SIPA1L2: variants seen among roughly 807,000 people sequenced by gnomAD.
The protein encoded by SIPA1L2 is signal induced proliferation associated 1 like 2, also known as signal-induced proliferation-associated 1-like protein 2.
A neutral mutation model predicts 163.9 loss-of-function variants in SIPA1L2; 56 were observed. The ratio of observed to expected loss-of-function variants is 0.34; its 90% confidence interval spans 0.28 to 0.43. The LOEUF (loss-of-function observed/expected upper bound fraction) is 0.43, where lower values mean the gene tolerates loss of function less well. Ranked by LOEUF, SIPA1L2 falls within the 20% of genes least tolerant of loss-of-function variation. The pLI, the probability that SIPA1L2 is intolerant of heterozygous loss-of-function variation, is 1.00. For missense variants in SIPA1L2, 1,974 were observed against 2,193.5 expected (o/e 0.90, Z 2.00); for synonymous variants, 877 against 865.7 (o/e 1.01, Z -0.23).
At chr1:232,408,858 A>G (rs1660789852) in intron 19 of SIPA1L2, among the ~76,000 whole-genome samples, 2 of 152,228 alleles carry the variant, frequency 1.3e-5, no homozygotes, top group South Asian at 4.2e-4. Context: ...CCATAATTCT[A>G]AATATTTAAA....
intron 8 of SIPA1L2, among the ~76,000 whole-genome samples, chr1:232,469,119 G>A (rs1295538092): frequency 6.6e-6 from 1 of 152,158 alleles, no homozygotes. Flanking sequence ...GATCTCAACC[G>A]CACAGCCCCT....
intron 18 of SIPA1L2, among the ~76,000 whole-genome samples, chr1:232,424,164 T>C (rs980475516): frequency 1.3e-5 from 2 of 152,002 alleles, no homozygotes; most frequent in Non-Finnish European, 2.9e-5. Flanking sequence ...CCACATAGGT[T>C]CATCGATTAT....
chr1:232,407,957 G>A (rs1039770811), intron 19 of SIPA1L2, among the ~76,000 whole-genome samples: 2 of 152,122 alleles, frequency 1.3e-5, no homozygotes, highest in Non-Finnish European at 2.9e-5. Flanking sequence ...GGTCGGGTTT[G>A]TTCCCATTAC....
intron 9 of SIPA1L2, among the ~76,000 whole-genome samples, chr1:232,462,639 T>C (rs12410125): frequency 0.064 from 9,721 of 152,308 alleles, 574 homozygotes; most frequent in Admixed American, 0.18. Flanking sequence ...CTTGAAGAAG[T>C]AGTTCTGTAA....
At chr1:232,455,355 T>C (rs1253705047) in intron 10 of SIPA1L2, among the ~76,000 whole-genome samples, 1 of 152,158 alleles carries the variant, frequency 6.6e-6, no homozygotes, top group African/African-American at 2.4e-5. Context: ...AAACGTGGAA[T>C]CAACCTAGAT....
intron 2 of SIPA1L2, among the ~76,000 whole-genome samples, chr1:232,553,577 G>A (rs1462697135): frequency 1.3e-5 from 2 of 152,146 alleles, no homozygotes; most frequent in African/African-American, 2.4e-5. Context: ...TCAGCTACAC[G>A]TGGAAAGTGG....
chr1:232,590,017 C>A (rs528658114), intron 1 of SIPA1L2, among the ~76,000 whole-genome samples: 11 of 152,318 alleles, frequency 7.2e-5, no homozygotes, highest in African/African-American at 2.6e-4. Context: ...AGTCATCGCT[C>A]TATCTCAAGT....
chr1:232,585,082 A>C (rs1031807107), intron 1 of SIPA1L2, among the ~76,000 whole-genome samples: 1 of 152,208 alleles, frequency 6.6e-6, no homozygotes, highest in Admixed American at 6.5e-5. Context: ...ATTTTTATAC[A>C]CCTAAAAGTA....
At position 232,479,715 on chromosome 1, in the gene SIPA1L2, G is replaced by A. The variant is rs757647399; in HGVS notation, c.1997C>T (p.Thr666Met). 2.5e-5 allele frequency: 41 copies of A among 1,613,378 alleles called. 1 individual carries two copies. Among genetic ancestry groups the A allele is most frequent in the South Asian group, 5.5e-5 (5 of 91,056 alleles). The stretch of plus-strand genomic sequence containing the variant: ...TTTGTATGTGGTATAGAGAGAGTGC[G>A]TGCCCGTGGAATCAGCTGAAAACAA... ...QLDNKTDSTG[T>M]HSLYTTYKDY... The change falls in exon 7 of 23, where the codon ACG (threonine) becomes ATG (methionine). Residue 666 changes from threonine to methionine, a missense_variant. Physicochemically the swap from Thr to Met is moderately conservative, Grantham distance 81. Around this residue, in one of 3 missense-constraint regions of SIPA1L2, gnomAD observed 288 missense variants for 418.9 expected, o/e 0.69. Transcript: ENST00000674635.
At chr1:232,623,432 C>T (rs1443446960) in intron 1 of SIPA1L2, among the ~76,000 whole-genome samples, 6 of 151,974 alleles carry the variant, frequency 3.9e-5, no homozygotes, top group East Asian at 1.9e-4. Context: ...GGTGAAACTC[C>T]GTCTCTACTA....
chr1:232,433,073 T>TG (rs1445139908), intron 15 of SIPA1L2, among the ~76,000 whole-genome samples: 3 of 152,182 alleles, frequency 2.0e-5, no homozygotes, highest in African/African-American at 7.2e-5. Context: ...AGCAAACCCC[T>TG]GCTGCACGTG....
At chr1:232,546,327 G>A (rs1039337964) in intron 2 of SIPA1L2, among the ~76,000 whole-genome samples, 3 of 152,188 alleles carry the variant, frequency 2.0e-5, no homozygotes, top group African/African-American at 4.8e-5. Context: ...CCACCATGAC[G>A]CCAAGACTTC....
chr1:232,403,333 G>T, intron 21 of SIPA1L2, 115 bp downstream of exon 21: 1 of 1,340,882 alleles, frequency 7.5e-7, no homozygotes, highest in Non-Finnish European at 1.0e-6. Context: ...TCAGGACTGG[G>T]AAAGGGCATG....
chr1:232,538,916 T>C (rs539007599), intron 2 of SIPA1L2, among the ~76,000 whole-genome samples: 15 of 152,364 alleles, frequency 9.8e-5, no homozygotes, highest in African/African-American at 2.9e-4. Context: ...ATGTTCTTTT[T>C]TCTATTTTTG....
intron 4 of SIPA1L2, among the ~76,000 whole-genome samples, chr1:232,492,919 G>T (rs1250817963): frequency 6.6e-6 from 1 of 152,182 alleles, no homozygotes; most frequent in South Asian, 2.1e-4. Flanking sequence ...TTGTTGCAAT[G>T]TGAGAAGGAA....
At chr1:232,473,375 T>A (rs1261287285) in intron 7 of SIPA1L2, among the ~76,000 whole-genome samples, 1 of 152,260 alleles carries the variant, frequency 6.6e-6, no homozygotes, top group Non-Finnish European at 1.5e-5. Context: ...GAGCTCACTT[T>A]GGCCAAGGCC....
chr1:232,404,248 C>A, intron 19 of SIPA1L2, 70 bp from the exon 20 acceptor site: 2 of 1,430,452 alleles, frequency 1.4e-6, no homozygotes, highest in Non-Finnish European at 2.0e-6. Flanking sequence ...CGGGGGCCCA[C>A]AAAATGCGGC....
chr1:232,562,644 C>A (rs1031575109), intron 2 of SIPA1L2, among the ~76,000 whole-genome samples: 5 of 152,112 alleles, frequency 3.3e-5, no homozygotes, highest in Admixed American at 6.5e-5. Flanking sequence ...AGAATGGATT[C>A]GAAGCCAACA....
At chr1:232,577,396 G>A (rs1355693055) in intron 1 of SIPA1L2, among the ~76,000 whole-genome samples, 1 of 152,190 alleles carries the variant, frequency 6.6e-6, no homozygotes, top group Non-Finnish European at 1.5e-5. Flanking sequence ...GGAGATGAAT[G>A]TTGTTTCTTG....
Sources: gnomAD v4.1 joint callset for allele counts (sites outside exome capture counted in the v4.1 genomes callset) on GRCh38, gnomAD v4.1.1 for gene constraint, gnomAD v4.1.1 regional missense constraint, MANE v1.5 for transcripts, NCBI Gene and HGNC (gene_info 2026-07-23, HGNC 2026-07-21) for gene names.